ADAM10: variants seen among roughly 807,000 people sequenced by gnomAD.
The protein encoded by ADAM10 is disintegrin and metalloproteinase domain-containing protein 10.
A neutral mutation model predicts 90.1 loss-of-function variants in ADAM10; 17 were observed. The observed-to-expected ratio is 0.19, with a 90% CI of 0.13 to 0.28. The LOEUF (loss-of-function observed/expected upper bound fraction) is 0.28, where lower values mean the gene tolerates loss of function less well. ADAM10 is among the 10% of genes least tolerant of loss of function. The pLI, the probability that ADAM10 is intolerant of heterozygous loss-of-function variation, is 1.00. For missense variants in ADAM10, 610 were observed against 914.3 expected (o/e 0.67, Z 4.29); for synonymous variants, 310 against 298.6 (o/e 1.04, Z -0.40).
chr15:58,747,654 T>A (rs922972626), intron 1 of ADAM10: 1 of 152,222 alleles, frequency 6.6e-6, no homozygotes, highest in Non-Finnish European at 1.5e-5. Flanking sequence ...AAAACTTGTC[T>A]TATGTTTTTT....
intron 2 of ADAM10, among the ~76,000 whole-genome samples, chr15:58,712,512 C>T (rs1296107929): frequency 4.1e-5 from 5 of 120,670 alleles, no homozygotes; most frequent in South Asian, 6.3e-4. Context: ...CAACAGAGCC[C>T]GGCCCTGTTT....
chr15:58,749,698 G>T lies in ADAM10; in HGVS notation c.-164C>A. ...CACCTCCCTCTCGCTCCACTTCAGG[G>T]GCCGGCAACGCTCCTAGCTCCTCCA... On this transcript the variant is annotated 5_prime_UTR_variant, in exon 1 of 16. Coordinates refer to ENST00000260408, the MANE Select transcript of ADAM10 (RefSeq NM_001110.4). The T allele has an allele frequency of 7.0e-7, 1 of 1,427,396 alleles. No individual in the cohort carries two copies. The highest frequency in any genetic ancestry group is 9.3e-7 in the Non-Finnish European group (1 of 1,079,504). The allele number at this position is 1,427,396 out of a possible 1,614,324, so 88.4% of individuals were successfully genotyped here.
chr15:58,653,057 C>G (rs1272189303), intron 5 of ADAM10, among the ~76,000 whole-genome samples: 2 of 152,036 alleles, frequency 1.3e-5, no homozygotes, highest in Non-Finnish European at 2.9e-5. Flanking sequence ...GATTTTTGTA[C>G]GTTGATTTTG....
chr15:58,734,799 G>A (rs1164059741), intron 1 of ADAM10, among the ~76,000 whole-genome samples: 2 of 151,676 alleles, frequency 1.3e-5, no homozygotes, highest in Non-Finnish European at 2.9e-5. Context: ...CCTCTAAGAT[G>A]GGGAAAACAA....
chr15:58,614,159 CCTGTAATACCAGCTACTCA>C (rs1314878402), intron 11 of ADAM10, among the ~76,000 whole-genome samples: 1 of 152,040 alleles, frequency 6.6e-6, no homozygotes, highest in Non-Finnish European at 1.5e-5. Flanking sequence ...GTGGCACGCA[CCTGTAATACCAGCTACTCA>C]GGAGGTTGAG....
At chr15:58,726,342 A>G (rs1293414706) in intron 1 of ADAM10, among the ~76,000 whole-genome samples, 1 of 152,096 alleles carries the variant, frequency 6.6e-6, no homozygotes, top group Admixed American at 6.6e-5. Context: ...AGGCGGGTGG[A>G]TCACTTGAAG....
chr15:58,612,140 A>G, intron 11 of ADAM10, 149 bp from the exon 12 acceptor site: 1 of 836,672 alleles, frequency 1.2e-6, no homozygotes, highest in Non-Finnish European at 1.9e-6. Flanking sequence ...TGTTACTGGT[A>G]TACAACTTCA....
rs1414658944 is a variant in ADAM10, at chr15:58,717,739, AAAC to A, written c.56-15_56-13del. On this transcript the variant is annotated splice_polypyrimidine_tract_variant and intron_variant, in intron 1 of 15. Coordinates refer to ENST00000260408, the MANE Select transcript of ADAM10 (RefSeq NM_001110.4). ...ATTCCCATACTGACCTATAAAAAAA[AAAC>A]AACATTCTGAATTAGTATCATCTTG... 14 of 1,608,708 alleles carry A rather than the reference AAAC, an allele frequency of 8.7e-6. No homozygotes were observed. Among genetic ancestry groups the A allele is most frequent in the African/African-American group, 5.3e-5 (4 of 74,862 alleles).
At position 58,594,688 on chromosome 15, in the gene ADAM10, G is replaced by A. The variant is rs536428505; in HGVS notation, c.*2859C>T. ...CTGAATTTATAAAACTGGGGAGGGAGGGATGGAGGGAGAGAGGACGGACTG... is the reference window on the plus strand; with the variant it reads ...CTGAATTTATAAAACTGGGGAGGGAAGGATGGAGGGAGAGAGGACGGACTG... On this transcript the variant is annotated 3_prime_UTR_variant, in exon 16 of 16. Coordinates refer to ENST00000260408, the MANE Select transcript of ADAM10 (RefSeq NM_001110.4). 4 of 152,192 alleles carry A rather than the reference G, an allele frequency of 2.6e-5. No homozygotes were observed. Among genetic ancestry groups the A allele is most frequent in the African/African-American group, 9.6e-5 (4 of 41,538 alleles). 9.4% of individuals were successfully genotyped at this position (152,192 alleles called of 1,614,324 possible). A position where few individuals can be genotyped will look rare whatever the true frequency, so the allele number is the denominator to read the frequency against.
Position 58,749,645 on chromosome 15 carries a change from A to C in ADAM10, c.-111T>G. 2 of 1,515,118 alleles carry C rather than the reference A, an allele frequency of 1.3e-6. No homozygotes were observed. Among genetic ancestry groups the C allele is most frequent in the South Asian group, 1.2e-5 (1 of 81,066 alleles). 93.9% of individuals were successfully genotyped at this position (1,515,118 alleles called of 1,614,324 possible). A position where few individuals can be genotyped will look rare whatever the true frequency, so the allele number is the denominator to read the frequency against. On this transcript the variant is annotated 5_prime_UTR_variant, in exon 1 of 16. Transcript: ENST00000260408. ...TCCGGAGCCTCCACGGGAAGCCGGG[A>C]CCTCCCCTGGCAGGAGAAACGGCGA...
Position 58,749,575 on chromosome 15 carries a change from T to C in ADAM10, c.-41A>G. 1 of 1,548,156 alleles carries C rather than the reference T, an allele frequency of 6.5e-7. No homozygotes were observed. Among genetic ancestry groups the C allele is most frequent in the Admixed American group, 2.0e-5 (1 of 50,772 alleles). ...CCGCCGCCGCCGCCTCCTCACGGGT[T>C]AACAGCAGCACATCGATCCGGAGGG... On this transcript the variant is annotated 5_prime_UTR_variant, in exon 1 of 16. An upstream open reading frame in the 5' UTR loses its in-frame stop. Transcript: ENST00000260408.
At chr15:58,715,248 C>T (rs2140812569) in intron 2 of ADAM10, among the ~76,000 whole-genome samples, 1 of 151,878 alleles carries the variant, frequency 6.6e-6, no homozygotes, top group African/African-American at 2.4e-5. Flanking sequence ...ATGGTGAAAC[C>T]CCGTCTCTAC....
At chr15:58,678,210 A>T (rs1034118598) in intron 4 of ADAM10, among the ~76,000 whole-genome samples, 13 of 152,206 alleles carry the variant, frequency 8.5e-5, no homozygotes, top group Non-Finnish European at 8.8e-5. Context: ...GTTATTTTCT[A>T]TAGCAATCTA....
chr15:58,633,607 A>T (rs1401532653), intron 8 of ADAM10, among the ~76,000 whole-genome samples: 1 of 152,192 alleles, frequency 6.6e-6, no homozygotes, highest in Admixed American at 6.5e-5. Flanking sequence ...TGTTCTTCAC[A>T]ATCAAAATGT....
At chr15:58,600,089 GT>G (rs1245823660) in intron 14 of ADAM10, among the ~76,000 whole-genome samples, 1 of 150,290 alleles carries the variant, frequency 6.7e-6, no homozygotes, top group African/African-American at 2.5e-5. Flanking sequence ...ATATTTTCTG[GT>G]TTAAATATTG....
chr15:58,691,879 T>C (rs553767389), intron 2 of ADAM10, among the ~76,000 whole-genome samples: 106 of 152,174 alleles, frequency 7.0e-4, no homozygotes, highest in African/African-American at 2.4e-3. Context: ...TTTCACCATG[T>C]TGACCAGGCT....
At chr15:58,733,492 A>C (rs1567017764) in intron 1 of ADAM10, among the ~76,000 whole-genome samples, 1 of 152,136 alleles carries the variant, frequency 6.6e-6, no homozygotes, top group Non-Finnish European at 1.5e-5. Context: ...GCCTCATTCT[A>C]CCCTGATTTG....
At chr15:58,724,255 T>C (rs1289313709) in intron 1 of ADAM10, among the ~76,000 whole-genome samples, 3 of 152,080 alleles carry the variant, frequency 2.0e-5, no homozygotes, top group African/African-American at 7.2e-5. Flanking sequence ...AGGTTCTAAA[T>C]TTTGGGAGGT....
At chr15:58,730,263 AT>A (rs1725105447) in intron 1 of ADAM10, among the ~76,000 whole-genome samples, 1 of 152,186 alleles carries the variant, frequency 6.6e-6, no homozygotes, top group Non-Finnish European at 1.5e-5. Context: ...GTCTCAGGCA[AT>A]ATACTGAGTA....
Sources: allele counts gnomAD v4.1 joint callset (sites outside exome capture counted in the v4.1 genomes callset), GRCh38; gene constraint gnomAD v4.1.1; transcripts MANE v1.5; gene names NCBI Gene and HGNC (gene_info 2026-07-23, HGNC 2026-07-21).